FARS2: variants seen among roughly 807,000 people sequenced by gnomAD.
The protein encoded by FARS2 is phenylalanyl-tRNA synthetase 2, mitochondrial.
In FARS2, 40 loss-of-function variants were observed where a neutral mutation model predicts 46.4. That is an observed-to-expected ratio of 0.86 (90% confidence interval 0.67 to 1.12). The LOEUF (loss-of-function observed/expected upper bound fraction) is 1.12. FARS2 is among the 50% of genes most tolerant of loss of function. FARS2 has a pLI of 0.00. For missense variants in FARS2, 513 were observed against 567.9 expected (o/e 0.90, Z 0.98); for synonymous variants, 234 against 214.9 (o/e 1.09, Z -0.78).
chr6:5,426,771 A>G (rs1002352764), intron 3 of FARS2, among the ~76,000 whole-genome samples: 1 of 152,166 alleles, frequency 6.6e-6, no homozygotes, highest in South Asian at 2.1e-4. Flanking sequence ...TACTACAGGC[A>G]TGTGCCATCA....
chr6:5,700,974 G>A (rs554485739), intron 6 of FARS2, among the ~76,000 whole-genome samples: 3 of 152,190 alleles, frequency 2.0e-5, no homozygotes, highest in South Asian at 2.1e-4. Context: ...GTTTTTATTC[G>A]CGCAAGGTGT....
intron 4 of FARS2, among the ~76,000 whole-genome samples, chr6:5,530,924 A>G (rs1769788387): frequency 6.7e-6 from 1 of 148,168 alleles, no homozygotes; most frequent in Non-Finnish European, 1.5e-5. Context: ...GTATAAATAT[A>G]TAATTAAATA....
At chr6:5,695,638 A>G (rs1470487282) in intron 6 of FARS2, among the ~76,000 whole-genome samples, 2 of 152,264 alleles carry the variant, frequency 1.3e-5, no homozygotes, top group East Asian at 3.8e-4. Context: ...CACACCATAT[A>G]TAAGTAATGG....
At chr6:5,579,522 C>T (rs577655969) in intron 5 of FARS2, among the ~76,000 whole-genome samples, 45 of 152,324 alleles carry the variant, frequency 3.0e-4, no homozygotes, top group African/African-American at 1.0e-3. Context: ...GATCCACCTG[C>T]CTCAGCCTCC....
At chr6:5,755,252 A>G (rs964478150) in intron 6 of FARS2, among the ~76,000 whole-genome samples, 1 of 152,118 alleles carries the variant, frequency 6.6e-6, no homozygotes, top group Non-Finnish European at 1.5e-5. Context: ...CAGAACATGC[A>G]GTTTTCTTAC....
chr6:5,769,006 T>G (rs117123981), intron 6 of FARS2, among the ~76,000 whole-genome samples: 3 of 152,248 alleles, frequency 2.0e-5, no homozygotes, highest in African/African-American at 7.2e-5. Flanking sequence ...TCATTTTTTT[T>G]AATTTTTTCA....
intron 4 of FARS2, among the ~76,000 whole-genome samples, chr6:5,536,210 G>A (rs1266475610): frequency 1.3e-5 from 2 of 152,042 alleles, no homozygotes; most frequent in African/African-American, 4.8e-5. Flanking sequence ...CGCCATGCCT[G>A]GCTAATTTTT....
At chr6:5,637,083 A>C (rs547100887) in intron 6 of FARS2, among the ~76,000 whole-genome samples, 1 of 152,348 alleles carries the variant, frequency 6.6e-6, no homozygotes, top group South Asian at 2.1e-4. Context: ...AGAAACCAGG[A>C]TCCAGAGCCG....
chr6:5,743,700 C>T (rs1761478684), intron 6 of FARS2, among the ~76,000 whole-genome samples: 1 of 152,152 alleles, frequency 6.6e-6, no homozygotes, highest in Non-Finnish European at 1.5e-5. Flanking sequence ...TGGTAGACAC[C>T]ACTGTCTGGA....
chr6:5,639,958 C>A (rs574617919), intron 6 of FARS2, among the ~76,000 whole-genome samples: 10 of 152,336 alleles, frequency 6.6e-5, no homozygotes, highest in African/African-American at 2.4e-4. Context: ...AGTAAATTCT[C>A]AGCTCATCTG....
chr6:5,431,278 A>G, intron 4 of FARS2, 106 bp downstream of exon 4: 1 of 1,148,464 alleles, frequency 8.7e-7, no homozygotes, highest in Non-Finnish European at 1.3e-6. Context: ...CTATGCGGGC[A>G]GCGGCATCAC....
At chr6:5,691,035 G>A (rs1757674070) in intron 6 of FARS2, among the ~76,000 whole-genome samples, 2 of 152,096 alleles carry the variant, frequency 1.3e-5, no homozygotes, top group Non-Finnish European at 2.9e-5. Context: ...TCGTGCCGTG[G>A]TTTTCAGGTC....
At chr6:5,613,093 C>T in intron 5 of FARS2, 76 bp from the exon 6 acceptor site, 4 of 1,328,362 alleles carry the variant, frequency 3.0e-6, no homozygotes, top group Non-Finnish European at 3.2e-6. Flanking sequence ...TAGTCAAGTG[C>T]AACTTTTTAT....
chr6:5,770,401 T>TTGCTGCTGCTGCTGC (rs3058189), intron 6 of FARS2, among the ~76,000 whole-genome samples: 2 of 151,402 alleles, frequency 1.3e-5, no homozygotes, highest in Non-Finnish European at 2.9e-5. Flanking sequence ...TCTGTTGTTG[T>TTGCTGCTGCTGCTGC]TGCTGCTGCT....
At chr6:5,725,269 G>A (rs1561822795) in intron 6 of FARS2, among the ~76,000 whole-genome samples, 1 of 152,224 alleles carries the variant, frequency 6.6e-6, no homozygotes, top group African/African-American at 2.4e-5. Context: ...TATGGAGGAA[G>A]GTGAAAGGTG....
chr6:5,751,551 A>G (rs918568260), intron 6 of FARS2, among the ~76,000 whole-genome samples: 2 of 152,176 alleles, frequency 1.3e-5, no homozygotes, highest in Non-Finnish European at 2.9e-5. Context: ...CTAGAGTAGA[A>G]TATCTCCTCC....
intron 4 of FARS2, among the ~76,000 whole-genome samples, chr6:5,458,668 GT>G (rs1461343290): frequency 2.0e-5 from 3 of 152,142 alleles, no homozygotes; most frequent in Non-Finnish European, 2.9e-5. Flanking sequence ...ATAAGGACAT[GT>G]TTGTTGTTTC....
rs1184580894 is a variant in FARS2, at chr6:5,613,333, C to G, written c.1217+13C>G. Reference sequence around the variant, plus strand: ...TTGTACATCCAAAGTAAGTGAAAAGCTTTCTGATTTTACCCTTGACTATCT... The same window carrying G: ...TTGTACATCCAAAGTAAGTGAAAAGGTTTCTGATTTTACCCTTGACTATCT... On this transcript the variant is annotated intron_variant, in intron 6 of 6. Transcript: ENST00000274680. 6.2e-7 allele frequency: 1 copy of G among 1,608,016 alleles called. No homozygotes were observed. The highest frequency in any genetic ancestry group is 1.3e-5 in the African/African-American group (1 of 74,758).
chr6:5,269,133 A>G (rs1414329255), intron 1 of FARS2, among the ~76,000 whole-genome samples: 2 of 152,320 alleles, frequency 1.3e-5, no homozygotes, highest in African/African-American at 2.4e-5. Context: ...TGTGGCACAT[A>G]TACACCATGG....
Sources: allele counts gnomAD v4.1 joint callset (sites outside exome capture counted in the v4.1 genomes callset), GRCh38; gene constraint gnomAD v4.1.1; transcripts MANE v1.5; gene names NCBI Gene and HGNC (gene_info 2026-07-23, HGNC 2026-07-21).